The following DRD2 variants were observed in gnomAD, a reference collection of about 807,000 sequenced individuals.
DRD2 encodes dopamine receptor D2.
A neutral mutation model predicts 38.0 loss-of-function variants in DRD2; 8 were observed. That is an observed-to-expected ratio of 0.21 (90% CI 0.12 to 0.38). DRD2 has a LOEUF of 0.38. Ranked by LOEUF, DRD2 falls within the 10% of genes least tolerant of loss-of-function variation. DRD2 has a pLI of 1.00. For synonymous variants in DRD2, 230 were observed against 238.6 expected, an observed-to-expected ratio of 0.96 and a Z score of 0.33; for missense variants, 403 against 607.7, an observed-to-expected ratio of 0.66 and a Z score of 3.54.
Position 113,416,972 on chromosome 11 carries a change from C to T in DRD2, c.423G>A (p.Leu141=), listed in dbSNP as rs1800499. The T allele has an allele frequency of 0.034, 55,154 of 1,614,058 alleles. 1,089 individuals carry two copies. Among genetic ancestry groups the T allele is most frequent in the Non-Finnish European group, 0.038 (45,344 of 1,179,978 alleles). The change falls in exon 4 of 8, where the codon CTG becomes CTA. Residue 141 remains leucine, a synonymous_variant. Transcript: ENST00000362072. ...GCTTGGAGCTGTAGCGCGTATTGTACAGCATGGGCATGGCCACAGCTGTGT... is the reference window on the plus strand; with the variant it reads ...GCTTGGAGCTGTAGCGCGTATTGTATAGCATGGGCATGGCCACAGCTGTGT... ...DRYTAVAMPM[L]YNTRYSSKRR...
At chr11:113,437,021 C>T (rs1286102221) in intron 1 of DRD2, among the ~76,000 whole-genome samples, 2 of 152,132 alleles carry the variant, frequency 1.3e-5, no homozygotes, top group Non-Finnish European at 2.9e-5. Context: ...CAGCTTTGGC[C>T]TAATAAGTCA....
chr11:113,422,509 TA>T (rs1221333615), intron 2 of DRD2, among the ~76,000 whole-genome samples: 1 of 152,200 alleles, frequency 6.6e-6, no homozygotes, highest in East Asian at 1.9e-4. Context: ...GGATCAAGCG[TA>T]AGAATTAAGA....
intron 1 of DRD2, among the ~76,000 whole-genome samples, chr11:113,467,232 G>T (rs1369025842): frequency 2.6e-5 from 4 of 152,200 alleles, no homozygotes; most frequent in Non-Finnish European, 5.9e-5. Context: ...AGTGCCTTCT[G>T]AAATATTCTA....
At chr11:113,462,191 G>A (rs1221849416) in intron 1 of DRD2, among the ~76,000 whole-genome samples, 1 of 152,168 alleles carries the variant, frequency 6.6e-6, no homozygotes, top group Non-Finnish European at 1.5e-5. Context: ...AAGGAAAACA[G>A]TCCTACTCTG....
chr11:113,442,700 C>A (rs1170373285), intron 1 of DRD2, among the ~76,000 whole-genome samples: 11 of 152,188 alleles, frequency 7.2e-5, no homozygotes, highest in Admixed American at 7.2e-4. Context: ...AGACTTTCTA[C>A]GATTGATCAT....
chr11:113,463,487 G>A (rs4630328), intron 1 of DRD2, among the ~76,000 whole-genome samples: 40,460 of 152,106 alleles, frequency 0.27, 6,428 homozygotes, highest in Middle Eastern at 0.4. Context: ...CATGTGTAGA[G>A]TTAGTGTAGG....
chr11:113,425,025 C>T (rs2138181065), intron 1 of DRD2: 1 of 313,478 alleles, frequency 3.2e-6, no homozygotes, highest in East Asian at 7.8e-5. Context: ...ACCTTCTAGT[C>T]ATCGAAACAG....
chr11:113,437,560 C>T (rs1344018783), intron 1 of DRD2, among the ~76,000 whole-genome samples: 1 of 152,212 alleles, frequency 6.6e-6, no homozygotes, highest in Non-Finnish European at 1.5e-5. Context: ...CTTAGGCAAC[C>T]TCATGTTTTC....
At chr11:113,458,720 C>T (rs1951289837) in intron 1 of DRD2, among the ~76,000 whole-genome samples, 1 of 152,152 alleles carries the variant, frequency 6.6e-6, no homozygotes, top group Non-Finnish European at 1.5e-5. Context: ...ACTATTTTGG[C>T]ACTGTGGACT....
At chr11:113,413,438 C>A (rs1285057930) in intron 6 of DRD2, 1 of 489,218 alleles carries the variant, frequency 2.0e-6, no homozygotes, top group East Asian at 5.9e-5. Context: ...CTGGGGTGAC[C>A]TAGAGAGCCC....
intron 1 of DRD2, among the ~76,000 whole-genome samples, chr11:113,445,965 T>C (rs1013592463): frequency 3.3e-5 from 5 of 152,196 alleles, no homozygotes; most frequent in Non-Finnish European, 2.9e-5. Flanking sequence ...TTCCAGCCTG[T>C]TCTGGAGCAT....
Position 113,421,645 on chromosome 11 carries a change from C to G in DRD2, c.285+2722G>C, listed in dbSNP as rs142471190. Among the ~76,000 whole-genome samples, 3 of 152,204 alleles carry G rather than the reference C, an allele frequency of 2.0e-5. No homozygotes were observed. In the East Asian group the frequency reaches 5.8e-4, roughly 29 times the overall value. On this transcript the variant is annotated intron_variant, in intron 2 of 7. Coordinates refer to ENST00000362072, the MANE Select transcript of DRD2 (RefSeq NM_000795.4). ...GCAAGATAAATAACGCACACTTAGTCCTAAGCCAGACAGATGTTGGCATGG... is the reference window on the plus strand; with the variant it reads ...GCAAGATAAATAACGCACACTTAGTGCTAAGCCAGACAGATGTTGGCATGG...
intron 1 of DRD2, among the ~76,000 whole-genome samples, chr11:113,456,972 A>G (rs554079018): frequency 6.6e-6 from 1 of 152,308 alleles, no homozygotes; most frequent in East Asian, 1.9e-4. Flanking sequence ...TCCGACCTGC[A>G]GCAAAAAGGA....
chr11:113,427,008 A>C (rs1195646646), intron 1 of DRD2, among the ~76,000 whole-genome samples: 3 of 152,210 alleles, frequency 2.0e-5, no homozygotes, highest in Non-Finnish European at 4.4e-5. Context: ...TGTGAGGCAC[A>C]CTTACTGCCC....
At chr11:113,448,202 G>A (rs1428013052) in intron 1 of DRD2, among the ~76,000 whole-genome samples, 1 of 152,184 alleles carries the variant, frequency 6.6e-6, no homozygotes, top group Admixed American at 6.5e-5. Context: ...GTCTAATGAC[G>A]TTCTTTTCCT....
intron 1 of DRD2, chr11:113,474,225 C>T (rs931620983): frequency 1.3e-5 from 2 of 152,396 alleles, no homozygotes; most frequent in Non-Finnish European, 2.9e-5. Context: ...CACGCACCCT[C>T]TTACCTCTGC....
At chr11:113,414,538 C>A in intron 5 of DRD2, 77 bp from the exon 6 acceptor site, 1 of 1,482,436 alleles carries the variant, frequency 6.7e-7, no homozygotes, top group South Asian at 1.1e-5. Flanking sequence ...GTGCAGCAGT[C>A]CATGGAACTC....
intron 1 of DRD2, among the ~76,000 whole-genome samples, chr11:113,461,227 A>C (rs2119961225): frequency 6.6e-6 from 1 of 152,354 alleles, no homozygotes; most frequent in African/African-American, 2.4e-5. Flanking sequence ...CACCATCAGC[A>C]TCCCCTATGT....
rs1359352412 is a variant in DRD2 at position 113,417,007 on chromosome 11, G to A, written c.396-8C>T. 6.2e-7 allele frequency: 1 copy of A among 1,613,372 alleles called. No homozygotes were observed. The highest frequency in any genetic ancestry group is 1.1e-5 in the South Asian group (1 of 90,980). ...ATGGCCACAGCTGTGTACCTGCAAG[G>A]GCGGGGGACCCTGAATCTGGGGTGC... On this transcript the variant is annotated splice_polypyrimidine_tract_variant and splice_region_variant and intron_variant, in intron 3 of 7. Transcript: ENST00000362072.
Sources: allele counts gnomAD v4.1 joint callset (sites outside exome capture counted in the v4.1 genomes callset), GRCh38; gene constraint gnomAD v4.1.1; transcripts MANE v1.5; gene names NCBI Gene and HGNC (gene_info 2026-07-23, HGNC 2026-07-21).